The following TENM2 variants were observed in gnomAD, a reference collection of about 807,000 sequenced individuals.
TENM2 encodes teneurin transmembrane protein 2.
In TENM2, 52 loss-of-function variants were observed where a neutral mutation model predicts 245.2. That is an observed-to-expected ratio of 0.21 (90% CI 0.17 to 0.27). TENM2 has a LOEUF of 0.27. Among genes scored for constraint, TENM2 ranks in the 10% least tolerant of loss-of-function variants. The pLI is 1.00. For synonymous variants in TENM2, 1,363 were observed against 1,438.9 expected (o/e 0.95, Z 1.19); for missense variants, 3,046 against 3,666.8 (o/e 0.83, Z 4.37).
intron 2 of TENM2, among the ~76,000 whole-genome samples, chr5:167,689,158 C>T (rs1345422253): frequency 6.6e-6 from 1 of 152,102 alleles, no homozygotes; most frequent in Non-Finnish European, 1.5e-5. Flanking sequence ...AGCAGAGGTG[C>T]AGGAGAAGGC....
At chr5:167,460,376 A>G (rs1038240919) in intron 2 of TENM2, among the ~76,000 whole-genome samples, 4 of 152,074 alleles carry the variant, frequency 2.6e-5, no homozygotes, top group Non-Finnish European at 5.9e-5. Flanking sequence ...ATCTCCCACT[A>G]TTTTTCCAGC....
intron 23 of TENM2, among the ~76,000 whole-genome samples, chr5:168,225,761 CAA>C (rs567948197): frequency 0.011 from 610 of 57,108 alleles, 5 homozygotes; most frequent in African/African-American, 0.031. Flanking sequence ...TCCATCATCT[CAA>C]AAAAAAAAAA....
chr5:167,367,812 A>G (rs771600896), intron 1 of TENM2, among the ~76,000 whole-genome samples: 14 of 152,134 alleles, frequency 9.2e-5, no homozygotes, highest in Non-Finnish European at 1.6e-4. Context: ...ATAAAATTAT[A>G]TTTTATCACT....
At chr5:167,837,586 T>C (rs751193135) in intron 2 of TENM2, among the ~76,000 whole-genome samples, 2 of 152,234 alleles carry the variant, frequency 1.3e-5, no homozygotes, top group African/African-American at 2.4e-5. Context: ...AAGGAGAGCA[T>C]AGGTATACAT....
chr5:167,264,367 T>C, the TENM2 span, among the ~76,000 whole-genome samples: 1 of 152,192 alleles, frequency 6.6e-6, no homozygotes, highest in Non-Finnish European at 1.5e-5. Flanking sequence ...AGTCTTCAGC[T>C]TCTTATTTTT....
chr5:166,985,077 A>G, the TENM2 span, among the ~76,000 whole-genome samples: 1 of 152,150 alleles, frequency 6.6e-6, no homozygotes, highest in African/African-American at 2.4e-5. Flanking sequence ...AAAAAATACA[A>G]ATAAAGATTT....
intron 2 of TENM2, among the ~76,000 whole-genome samples, chr5:167,379,931 C>CAAAACAA (rs1760996625): frequency 7.6e-6 from 1 of 132,268 alleles, no homozygotes; most frequent in Non-Finnish European, 1.6e-5. Context: ...AAAAACATAC[C>CAAAACAA]AAAAAAAAAA....
chr5:168,180,320 C>A (rs1001582189), intron 13 of TENM2, among the ~76,000 whole-genome samples: 1 of 152,174 alleles, frequency 6.6e-6, no homozygotes, highest in Non-Finnish European at 1.5e-5. Flanking sequence ...AGACTCATAA[C>A]GTGTATCCAT....
At chr5:168,087,409 A>G (rs1792550962) in intron 7 of TENM2, 1 of 152,276 alleles carries the variant, frequency 6.6e-6, no homozygotes. Flanking sequence ...GGAGTTCGAG[A>G]CCAGTCTGGC....
intron 12 of TENM2, 72 bp from the exon 15 acceptor site, chr5:168,162,539 C>T: frequency 6.5e-7 from 1 of 1,547,704 alleles, no homozygotes; most frequent in Non-Finnish European, 8.8e-7. Flanking sequence ...TTGCTCCCCT[C>T]TGCATGGCTC....
At chr5:167,894,685 AG>A (rs1173851308) in intron 3 of TENM2, among the ~76,000 whole-genome samples, 3 of 152,112 alleles carry the variant, frequency 2.0e-5, no homozygotes, top group Non-Finnish European at 4.4e-5. Flanking sequence ...CCCTGCACTT[AG>A]TATGCACTCC....
chr5:167,132,346 C>T, the TENM2 span, among the ~76,000 whole-genome samples: 1 of 152,086 alleles, frequency 6.6e-6, no homozygotes, highest in Non-Finnish European at 1.5e-5. Flanking sequence ...TGCAACATTT[C>T]GGAAAGGCCC....
At chr5:167,913,807 A>G (rs1776725826) in intron 3 of TENM2, among the ~76,000 whole-genome samples, 1 of 152,216 alleles carries the variant, frequency 6.6e-6, no homozygotes, top group Admixed American at 6.5e-5. Context: ...AAGCTGCACA[A>G]CTGACCAGCT....
the TENM2 span, among the ~76,000 whole-genome samples, chr5:167,042,460 A>G: frequency 6.6e-6 from 1 of 152,212 alleles, no homozygotes. Context: ...TTTCTTCAAT[A>G]AACTACATTG....
At chr5:167,491,019 A>G (rs575485533) in intron 2 of TENM2, among the ~76,000 whole-genome samples, 31 of 152,294 alleles carry the variant, frequency 2.0e-4, no homozygotes, top group African/African-American at 7.0e-4. Context: ...GTATTTGTCT[A>G]GGAATCAATC....
At chr5:168,213,502 C>G (rs1462786854) in intron 20 of TENM2, among the ~76,000 whole-genome samples, 1 of 152,082 alleles carries the variant, frequency 6.6e-6, no homozygotes, top group Non-Finnish European at 1.5e-5. Flanking sequence ...CAGCCCCTGT[C>G]TTCCCATCAC....
chr5:167,393,005 C>T (rs1761846526), intron 2 of TENM2, among the ~76,000 whole-genome samples: 1 of 151,696 alleles, frequency 6.6e-6, no homozygotes, highest in East Asian at 1.9e-4. Context: ...ACCTGTAATC[C>T]CAGCTACTCG....
the TENM2 span, among the ~76,000 whole-genome samples, chr5:167,243,395 T>C: frequency 6.6e-6 from 1 of 152,062 alleles, no homozygotes; most frequent in Non-Finnish European, 1.5e-5. Flanking sequence ...TTGCGGGTCA[T>C]GGGAACTGAG....
chr5:167,448,253 G>A (rs1765349170), intron 2 of TENM2, among the ~76,000 whole-genome samples: 1 of 152,046 alleles, frequency 6.6e-6, no homozygotes, highest in Non-Finnish European at 1.5e-5. Flanking sequence ...TGAAAGGGGA[G>A]TTAGTGCCAG....
Sources: allele counts gnomAD v4.1 joint callset (sites outside exome capture counted in the v4.1 genomes callset), GRCh38; gene constraint gnomAD v4.1.1; transcripts MANE v1.5; gene names NCBI Gene and HGNC (gene_info 2026-07-23, HGNC 2026-07-21).